Variants in GRIP1 observed in about 807,000 individuals in gnomAD.
GRIP1 encodes the protein glutamate receptor interacting protein 1.
A neutral mutation model predicts 129.9 loss-of-function variants in GRIP1; 45 were observed. The observed-to-expected ratio is 0.35, with a 90% CI of 0.27 to 0.44. GRIP1 has a LOEUF of 0.44. GRIP1 is among the 20% of genes least tolerant of loss of function. The pLI, the probability that GRIP1 is intolerant of heterozygous loss-of-function variation, is 1.00. For synonymous variants in GRIP1, 530 were observed against 520.8 expected (o/e 1.02, Z -0.24); for missense variants, 1,196 against 1,396.8 (o/e 0.86, Z 2.29).
chr12:66,657,142 C>G (rs1290215890), intron 1 of GRIP1, among the ~76,000 whole-genome samples: 2 of 152,096 alleles, frequency 1.3e-5, no homozygotes, highest in Non-Finnish European at 2.9e-5. Flanking sequence ...TTAGATTTGC[C>G]TCACCAAATT....
chr12:66,425,842 G>A (rs2057967165), intron 14 of GRIP1, among the ~76,000 whole-genome samples: 1 of 152,072 alleles, frequency 6.6e-6, no homozygotes, highest in Non-Finnish European at 1.5e-5. Context: ...GAAGGGGGGA[G>A]GGATAGCATT....
chr12:66,957,112 G>T (rs982766209), intron 1 of GRIP1, among the ~76,000 whole-genome samples: 1 of 152,028 alleles, frequency 6.6e-6, no homozygotes, highest in African/African-American at 2.4e-5. Flanking sequence ...TCTTTAAAGA[G>T]GTAATTAAAT....
intron 23 of GRIP1, among the ~76,000 whole-genome samples, chr12:66,364,201 G>T (rs76488829): frequency 6.8e-6 from 1 of 147,234 alleles, no homozygotes; most frequent in East Asian, 2.0e-4. Context: ...AGGAGGTGGA[G>T]GTTGCTGTGA....
chr12:66,352,757 C>T (rs1466806469), intron 24 of GRIP1, among the ~76,000 whole-genome samples: 1 of 149,352 alleles, frequency 6.7e-6, no homozygotes, highest in Non-Finnish European at 1.5e-5. Context: ...TTCTAACTAA[C>T]TTTCCATCAA....
At chr12:66,658,187 AAAG>A (rs1332034406) in intron 1 of GRIP1, among the ~76,000 whole-genome samples, 1 of 152,224 alleles carries the variant, frequency 6.6e-6, no homozygotes, top group Middle Eastern at 3.2e-3. Flanking sequence ...AATAAAGACA[AAAG>A]AAATCAATAA....
chr12:67,011,919 C>A (rs1043933691), intron 1 of GRIP1, among the ~76,000 whole-genome samples: 3 of 152,134 alleles, frequency 2.0e-5, no homozygotes, highest in African/African-American at 7.2e-5. Context: ...TTGCTGTGTT[C>A]TAATGAAACT....
Position 66,730,791 on chromosome 12 carries a change from T to C in GRIP1, c.-420+73262A>G, listed in dbSNP as rs141071352. 5.6e-4 allele frequency among the ~76,000 whole-genome samples: 85 copies of C among 151,982 alleles called. No individual in the cohort carries two copies. The East Asian group carries it at 0.014, about 26-fold the overall frequency. ...GACGGACCACAGTACTGAACTGTTA[T>C]GCAGGAAAAGTACTTAATTCAAATT... On this transcript the variant is annotated intron_variant, in intron 1 of 4. Transcript: ENST00000538373.
At chr12:66,555,468 C>T (rs1025137230) in intron 2 of GRIP1, among the ~76,000 whole-genome samples, 14 of 152,110 alleles carry the variant, frequency 9.2e-5, no homozygotes, top group African/African-American at 1.9e-4. Context: ...GCCCAGACTG[C>T]GACGACTACA....
intron 23 of GRIP1, among the ~76,000 whole-genome samples, chr12:66,368,031 AGAT>A (rs1484768226): frequency 3.9e-5 from 6 of 152,358 alleles, no homozygotes; most frequent in African/African-American, 1.4e-4. Flanking sequence ...CAGATGCAGC[AGAT>A]GATGAGAAGT....
At chr12:66,495,648 C>T (rs2060218166) in intron 7 of GRIP1, among the ~76,000 whole-genome samples, 1 of 152,116 alleles carries the variant, frequency 6.6e-6, no homozygotes, top group South Asian at 2.1e-4. Context: ...CGTGAGCCCC[C>T]CACCCCCGTG....
At chr12:66,872,403 A>T (rs1650525581) in intron 1 of GRIP1, among the ~76,000 whole-genome samples, 1 of 152,034 alleles carries the variant, frequency 6.6e-6, no homozygotes, top group South Asian at 2.1e-4. Flanking sequence ...TTTACACTCA[A>T]CTGTTCCTAT....
chr12:66,827,010 T>C (rs901184743), intron 1 of GRIP1, among the ~76,000 whole-genome samples: 10 of 152,338 alleles, frequency 6.6e-5, no homozygotes, highest in African/African-American at 2.4e-4. Flanking sequence ...TTCTCTCTCT[T>C]TCTTCCTTGA....
At chr12:66,649,954 G>A (rs1592700501) in intron 1 of GRIP1, among the ~76,000 whole-genome samples, 1 of 152,172 alleles carries the variant, frequency 6.6e-6, no homozygotes, top group Non-Finnish European at 1.5e-5. Context: ...CTATTTTACA[G>A]AAAGGGTAAA....
chr12:66,423,095 C>T (rs2057865038), intron 14 of GRIP1, among the ~76,000 whole-genome samples: 1 of 152,174 alleles, frequency 6.6e-6, no homozygotes, highest in Admixed American at 6.5e-5. Flanking sequence ...TACATGGCTT[C>T]TTTTAAAAAA....
intron 1 of GRIP1, among the ~76,000 whole-genome samples, chr12:66,908,450 A>G (rs1290652340): frequency 1.3e-5 from 2 of 152,228 alleles, no homozygotes; most frequent in Non-Finnish European, 2.9e-5. Context: ...AAAATGATTC[A>G]TGTAAGATCT....
At chr12:66,832,448 A>G (rs991548463) in intron 1 of GRIP1, among the ~76,000 whole-genome samples, 13 of 152,132 alleles carry the variant, frequency 8.5e-5, no homozygotes, top group African/African-American at 3.1e-4. Flanking sequence ...AATGCTTAAT[A>G]TTGTATTCAT....
intron 1 of GRIP1, among the ~76,000 whole-genome samples, chr12:66,627,461 C>T (rs778168219): frequency 1.3e-5 from 2 of 152,196 alleles, no homozygotes; most frequent in Non-Finnish European, 2.9e-5. Context: ...ATATGTCTGA[C>T]AAGTGTCAAA....
chr12:66,849,747 G>A (rs1008849920), intron 1 of GRIP1, among the ~76,000 whole-genome samples: 5 of 152,152 alleles, frequency 3.3e-5, no homozygotes, highest in African/African-American at 1.2e-4. Flanking sequence ...TTTCTAAAAG[G>A]CATGTGGGCT....
At chr12:66,888,519 A>G (rs532751778) in intron 1 of GRIP1, among the ~76,000 whole-genome samples, 2 of 152,248 alleles carry the variant, frequency 1.3e-5, no homozygotes, top group African/African-American at 4.8e-5. Context: ...GCCACCATGC[A>G]CAGCTAATTT....
Sources: gnomAD v4.1 joint callset for allele counts (sites outside exome capture counted in the v4.1 genomes callset) on GRCh38, gnomAD v4.1.1 for gene constraint, MANE v1.5 for transcripts, NCBI Gene and HGNC (gene_info 2026-07-23, HGNC 2026-07-21) for gene names.